The following DNAJC5B variants were observed in gnomAD, a reference collection of about 807,000 sequenced individuals.
DNAJC5B encodes DnaJ heat shock protein family (Hsp40) member C5 beta.
DNAJC5B carries 23 observed loss-of-function variants against 24.7 expected under a neutral mutation model. That is an observed-to-expected ratio of 0.93 (90% confidence interval 0.67 to 1.32). DNAJC5B has a LOEUF of 1.32. Among genes scored for constraint, DNAJC5B ranks in the 40% most tolerant of loss-of-function variants. DNAJC5B has a pLI of 0.00. For missense variants in DNAJC5B, 238 were observed against 240.8 expected (o/e 0.99, Z 0.08); for synonymous variants, 101 against 90.1 (o/e 1.12, Z -0.68).
At chr8:66,030,474 A>G (rs1806335196) in intron 1 of DNAJC5B, among the ~76,000 whole-genome samples, 1 of 152,168 alleles carries the variant, frequency 6.6e-6, no homozygotes, top group Non-Finnish European at 1.5e-5. Flanking sequence ...TGTTGTCAGA[A>G]AGTAGTTCAT....
chr8:66,042,694 TC>T (rs1806639960), intron 1 of DNAJC5B, among the ~76,000 whole-genome samples: 1 of 81,336 alleles, frequency 1.2e-5, no homozygotes, highest in South Asian at 5.1e-4. Context: ...CCCTCCTCTC[TC>T]CCCCTCCCCC....
chr8:66,065,526 C>G (rs1367724846), intron 3 of DNAJC5B, among the ~76,000 whole-genome samples: 1 of 152,200 alleles, frequency 6.6e-6, no homozygotes, highest in Non-Finnish European at 1.5e-5. Context: ...AATCCTGGCC[C>G]AGTGGCTCCT....
chr8:66,066,523 T>C (rs994816653), intron 3 of DNAJC5B, among the ~76,000 whole-genome samples: 4 of 152,166 alleles, frequency 2.6e-5, no homozygotes, highest in African/African-American at 7.2e-5. Context: ...ATGTGATATA[T>C]ATACATCATG....
chr8:66,016,106 C>T, the DNAJC5B span, among the ~76,000 whole-genome samples: 1 of 152,180 alleles, frequency 6.6e-6, no homozygotes, highest in Non-Finnish European at 1.5e-5. Context: ...CAAGGTGGTG[C>T]CTTATGGCCA....
intron 1 of DNAJC5B, among the ~76,000 whole-genome samples, chr8:66,033,769 G>A (rs1028587055): frequency 6.7e-5 from 8 of 119,230 alleles, no homozygotes; most frequent in African/African-American, 2.8e-4. Context: ...AGATCATTCC[G>A]CTTTTTTTTT....
At chr8:66,037,388 G>A (rs1321962568) in intron 1 of DNAJC5B, among the ~76,000 whole-genome samples, 2 of 152,156 alleles carry the variant, frequency 1.3e-5, no homozygotes, top group African/African-American at 4.8e-5. Context: ...GCTCTGTGAA[G>A]GGGTAGCTGG....
chr8:66,050,009 A>G (rs550871216), intron 2 of DNAJC5B, among the ~76,000 whole-genome samples: 57 of 152,366 alleles, frequency 3.7e-4, no homozygotes, highest in Admixed American at 1.2e-3. Context: ...GATAAAGCAG[A>G]CATAACTCTT....
intron 2 of DNAJC5B, among the ~76,000 whole-genome samples, chr8:66,048,377 AG>A (rs1806770977): frequency 6.6e-6 from 1 of 152,190 alleles, no homozygotes; most frequent in Admixed American, 6.5e-5. Flanking sequence ...CTTTCTTCGT[AG>A]GAAAATGTTG....
chr8:66,017,136 C>T (rs1805976129), upstream of DNAJC5B, among the ~76,000 whole-genome samples: 1 of 152,136 alleles, frequency 6.6e-6, no homozygotes, highest in Non-Finnish European at 1.5e-5. Flanking sequence ...ATGCCTTACA[C>T]TTTACTTACA....
chr8:66,051,441 A>G, intron 2 of DNAJC5B, 90 bp from the exon 3 acceptor site: 1 of 782,070 alleles, frequency 1.3e-6, no homozygotes, highest in Non-Finnish European at 2.1e-6. Context: ...TCAAATTGTC[A>G]TTTTACAAAA....
At chr8:66,036,873 C>G (rs1045859262) in intron 1 of DNAJC5B, among the ~76,000 whole-genome samples, 1 of 152,202 alleles carries the variant, frequency 6.6e-6, no homozygotes, top group African/African-American at 2.4e-5. Context: ...GATGTTCACG[C>G]CCAGGGCCTG....
At chr8:66,093,556 C>A (rs775173874) in intron 5 of DNAJC5B, among the ~76,000 whole-genome samples, 14 of 152,092 alleles carry the variant, frequency 9.2e-5, no homozygotes, top group Non-Finnish European at 1.3e-4. Flanking sequence ...CCTTTCAGAT[C>A]TTTTGCAGGT....
intron 5 of DNAJC5B, among the ~76,000 whole-genome samples, chr8:66,091,008 C>G (rs868710295): frequency 2.0e-5 from 3 of 152,176 alleles, no homozygotes; most frequent in Admixed American, 6.5e-5. Context: ...AATGCTCCCC[C>G]AAAAAGCAGC....
At chr8:66,039,388 GC>G (rs1806559473) in intron 1 of DNAJC5B, among the ~76,000 whole-genome samples, 1 of 106,850 alleles carries the variant, frequency 9.4e-6, no homozygotes, top group South Asian at 2.9e-4. Flanking sequence ...CTCTCTTGTT[GC>G]CCAGGCTGGA....
chr8:66,080,254 C>T (rs1261966362), intron 4 of DNAJC5B, 123 bp from the exon 5 acceptor site: 1 of 1,372,920 alleles, frequency 7.3e-7, no homozygotes, highest in African/African-American at 1.5e-5. Flanking sequence ...AAGATGTGGC[C>T]TGTGGGGTGA....
chr8:66,039,710 ACAT>A (rs1258493210), intron 1 of DNAJC5B, among the ~76,000 whole-genome samples: 6 of 152,244 alleles, frequency 3.9e-5, no homozygotes, highest in African/African-American at 1.2e-4. Context: ...ACTATCACTA[ACAT>A]CATCATCATC....
intron 1 of DNAJC5B, among the ~76,000 whole-genome samples, chr8:66,037,059 G>A (rs1806503779): frequency 6.6e-6 from 1 of 152,176 alleles, no homozygotes; most frequent in South Asian, 2.1e-4. Flanking sequence ...GGCTCTGTGA[G>A]TTGTTCCACT....
At chr8:66,071,698 G>A (rs12548783) in intron 3 of DNAJC5B, among the ~76,000 whole-genome samples, 8,809 of 152,210 alleles carry the variant, frequency 0.058, 410 homozygotes, top group East Asian at 0.19. Flanking sequence ...TCCCATTACT[G>A]GGTATATACC....
intron 3 of DNAJC5B, among the ~76,000 whole-genome samples, chr8:66,059,366 C>T (rs76110984): frequency 0.016 from 2,395 of 152,300 alleles, 55 homozygotes; most frequent in African/African-American, 0.054. Context: ...TAGAAGAAGT[C>T]ATCCATCATT....
Sources: gnomAD v4.1 joint callset for allele counts (sites outside exome capture counted in the v4.1 genomes callset) on GRCh38, gnomAD v4.1.1 for gene constraint, MANE v1.5 for transcripts, NCBI Gene and HGNC (gene_info 2026-07-23, HGNC 2026-07-21) for gene names.